Variants in EVI5 observed in about 807,000 individuals in gnomAD.
EVI5 encodes the protein ecotropic viral integration site 5, also known as ecotropic viral integration site 5 protein homolog.
Under a neutral mutation model 112.0 loss-of-function variants are expected in EVI5, and 73 were observed. The ratio of observed to expected loss-of-function variants is 0.65; its 90% confidence interval spans 0.54 to 0.79. The LOEUF (loss-of-function observed/expected upper bound fraction) is 0.79. EVI5 is among the 30% of genes least tolerant of loss of function. The pLI is 0.00. For synonymous variants in EVI5, 305 were observed against 319.9 expected, an observed-to-expected ratio of 0.95 and a Z score of 0.50; for missense variants, 900 against 968.8, an observed-to-expected ratio of 0.93 and a Z score of 0.94.
At chr1:92,766,427 C>T (rs2103017585) in intron 1 of EVI5, among the ~76,000 whole-genome samples, 1 of 152,098 alleles carries the variant, frequency 6.6e-6, no homozygotes, top group South Asian at 2.1e-4. Flanking sequence ...ACAAGTAACT[C>T]TTAAAATATA....
intron 18 of EVI5, among the ~76,000 whole-genome samples, chr1:92,598,302 C>A (rs1035891665): frequency 2.0e-5 from 3 of 152,050 alleles, no homozygotes; most frequent in African/African-American, 7.2e-5. Context: ...GGGTACTGAA[C>A]TTAATACCTG....
chr1:92,754,634 G>C (rs1438581572), intron 1 of EVI5, among the ~76,000 whole-genome samples: 1 of 152,218 alleles, frequency 6.6e-6, no homozygotes, highest in Admixed American at 6.5e-5. Context: ...AAAGTCCTCA[G>C]TTTCTCACCA....
At chr1:92,601,824 T>C (rs1050678637) in intron 18 of EVI5, among the ~76,000 whole-genome samples, 7 of 152,222 alleles carry the variant, frequency 4.6e-5, no homozygotes, top group Non-Finnish European at 7.3e-5. Context: ...AGGTTCTTCG[T>C]TTTAATAAAT....
chr1:92,774,053 AACTT>A (rs1415440686), intron 1 of EVI5: 1 of 152,128 alleles, frequency 6.6e-6, no homozygotes, highest in African/African-American at 2.4e-5. Context: ...AACAAAAAAA[AACTT>A]ACAAATTATT....
Position 92,509,430 on chromosome 1 carries a change from A to AAACG in EVI5, c.*4225_*4226insCGTT, listed in dbSNP as rs1659052128. On this transcript the variant is annotated 3_prime_UTR_variant, in exon 20 of 20. Coordinates refer to ENST00000684568, the MANE Select transcript of EVI5 (RefSeq NM_001350197.2). Reference sequence around the variant, plus strand: ...CCAAAAAACAAACAAACAAACAAACAAACAAAAAAGACGGTGGGGGCAGAA... The same window carrying AAACG: ...CCAAAAAACAAACAAACAAACAAACAAACGAACAAAAAAGACGGTGGGGGCAGAA... The AAACG allele has an allele frequency of 6.5e-6, 1 of 153,006 alleles. No individual in the cohort carries two copies. Among genetic ancestry groups the AAACG allele is most frequent in the Admixed American group, 6.5e-5 (1 of 15,272 alleles). 9.5% of individuals were successfully genotyped at this position (153,006 alleles called of 1,614,324 possible). A position where few individuals can be genotyped will look rare whatever the true frequency, so the allele number is the denominator to read the frequency against.
chr1:92,695,596 C>G, intron 6 of EVI5, 143 bp from the exon 7 acceptor site: 1 of 451,406 alleles, frequency 2.2e-6, no homozygotes, highest in Non-Finnish European at 3.8e-6. Flanking sequence ...ATTGAAACAT[C>G]TGGGACAGTG....
At chr1:92,550,981 A>C (rs1297960505) in intron 19 of EVI5, among the ~76,000 whole-genome samples, 1 of 146,052 alleles carries the variant, frequency 6.8e-6, no homozygotes, top group Non-Finnish European at 1.5e-5. Context: ...AAAATCCAGA[A>C]TTAAGATTAA....
chr1:92,610,052 AT>A (rs1202906712), intron 16 of EVI5, among the ~76,000 whole-genome samples: 1 of 151,756 alleles, frequency 6.6e-6, no homozygotes, highest in East Asian at 1.9e-4. Context: ...CGCCCAGATA[AT>A]TTTTTTTATT....
At chr1:92,701,799 TACC>T (rs1432003785) in intron 5 of EVI5, among the ~76,000 whole-genome samples, 1 of 150,686 alleles carries the variant, frequency 6.6e-6, no homozygotes, top group East Asian at 2.0e-4. Context: ...AAGATTTTCT[TACC>T]AACACTTTAA....
chr1:92,763,415 AG>A (rs1309691685), intron 1 of EVI5, among the ~76,000 whole-genome samples: 1 of 151,758 alleles, frequency 6.6e-6, no homozygotes, highest in Non-Finnish European at 1.5e-5. Flanking sequence ...TAACATTTTG[AG>A]GCAGGCACGG....
chr1:92,585,316 A>T (rs755881838), intron 18 of EVI5, among the ~76,000 whole-genome samples: 14 of 151,832 alleles, frequency 9.2e-5, no homozygotes, highest in Non-Finnish European at 1.6e-4. Flanking sequence ...ACATAGCAAG[A>T]CCCCATCTGT....
At chr1:92,734,140 C>G (rs936426209) in intron 2 of EVI5, among the ~76,000 whole-genome samples, 2 of 152,182 alleles carry the variant, frequency 1.3e-5, no homozygotes, top group African/African-American at 4.8e-5. Context: ...ACTTACAGAT[C>G]ATATTCATTC....
In EVI5 at chr1:92,735,833, C is replaced by A. The variant is rs1317702468; in HGVS notation, c.149+565G>T. Among the ~76,000 whole-genome samples, 10 of 141,516 alleles carry A rather than the reference C, an allele frequency of 7.1e-5. No homozygotes were observed. In the South Asian group the frequency reaches 1.5e-3, roughly 22 times the overall value. 92.8% of individuals were successfully genotyped at this position (141,516 alleles called of 152,430 possible). ...ATATTATATATTATTATAATATAAT[C>A]TATTATAATATATATTATATATATA... On this transcript the variant is annotated intron_variant, in intron 2 of 19. Coordinates refer to ENST00000684568, the MANE Select transcript of EVI5 (RefSeq NM_001350197.2).
chr1:92,532,035 G>A (rs1662954740), intron 19 of EVI5, among the ~76,000 whole-genome samples: 1 of 152,076 alleles, frequency 6.6e-6, no homozygotes, highest in Admixed American at 6.6e-5. Flanking sequence ...CTGTATTCAG[G>A]AGACTCATCT....
At chr1:92,708,517 T>C (rs535926388) in intron 2 of EVI5, among the ~76,000 whole-genome samples, 61 of 152,220 alleles carry the variant, frequency 4.0e-4, no homozygotes, top group African/African-American at 1.3e-3. Context: ...TCTCATACAC[T>C]ACTTGTGGGA....
In EVI5 at chr1:92,556,148, C is replaced by A. The variant is rs188198558; in HGVS notation, c.2166+7494G>T. On this transcript the variant is annotated intron_variant, in intron 19 of 19. Transcript: ENST00000684568. ...GTGTGATCTTGGCTCACTGCAACCTCCGCCTCCTGGGTTCAAGCGATTCTC... is the reference window on the plus strand; with the variant it reads ...GTGTGATCTTGGCTCACTGCAACCTACGCCTCCTGGGTTCAAGCGATTCTC... 2.7e-3 allele frequency among the ~76,000 whole-genome samples: 413 copies of A among 151,510 alleles called. 6 individuals carry two copies. The highest frequency in any genetic ancestry group is 9.7e-3 in the African/African-American group (400 of 41,316).
At chr1:92,516,822 C>T (rs1659966935) in intron 19 of EVI5, among the ~76,000 whole-genome samples, 1 of 151,138 alleles carries the variant, frequency 6.6e-6, no homozygotes, top group Non-Finnish European at 1.5e-5. Flanking sequence ...CAGGGGCAAA[C>T]TATATTTAAG....
At position 92,636,177 on chromosome 1, in the gene EVI5, G is replaced by T. The variant is rs200438021; in HGVS notation, c.1527+25C>A. 1.1e-4 allele frequency: 167 copies of T among 1,587,812 alleles called. 1 individual carries two copies. The South Asian group carries it at 1.9e-3, about 18-fold the overall frequency. ...CACATATCCCCTCTAATTTGGGAAT[G>T]ACTGCATTTGTGTAGGTTTCTTACC... On this transcript the variant is annotated intron_variant, in intron 14 of 19. Coordinates refer to ENST00000684568, the MANE Select transcript of EVI5 (RefSeq NM_001350197.2).
chr1:92,535,079 C>T (rs1358360682), intron 19 of EVI5, among the ~76,000 whole-genome samples: 1 of 150,830 alleles, frequency 6.6e-6, no homozygotes, highest in Non-Finnish European at 1.5e-5. Context: ...AACAAATTTA[C>T]AAGAAAAAAA....
Sources: gnomAD v4.1 joint callset for allele counts (sites outside exome capture counted in the v4.1 genomes callset) on GRCh38, gnomAD v4.1.1 for gene constraint, MANE v1.5 for transcripts, NCBI Gene and HGNC (gene_info 2026-07-23, HGNC 2026-07-21) for gene names.